TBC1D22A: variants seen among roughly 807,000 people sequenced by gnomAD.
The protein encoded by TBC1D22A is TBC1 domain family member 22A.
In TBC1D22A, 38 loss-of-function variants were observed where a neutral mutation model predicts 60.2. The observed-to-expected ratio is 0.63, with a 90% confidence interval of 0.49 to 0.83. The LOEUF is 0.83. Ranked by LOEUF, TBC1D22A falls within the 40% of genes least tolerant of loss-of-function variation. The probability of loss-of-function intolerance (pLI) is 0.00; values close to 1 mark genes in which losing one functional copy is unlikely to be tolerated. For synonymous variants in TBC1D22A, 302 were observed against 281.7 expected, an observed-to-expected ratio of 1.07 and a Z score of -0.72; for missense variants, 628 against 701.0, an observed-to-expected ratio of 0.90 and a Z score of 1.18.
chr22:46,968,376 AC>A (rs2073907140), intron 8 of TBC1D22A, among the ~76,000 whole-genome samples: 1 of 152,134 alleles, frequency 6.6e-6, no homozygotes, highest in Non-Finnish European at 1.5e-5. Flanking sequence ...CGTGGCATGG[AC>A]CCCACAGGGG....
chr22:46,958,604 A>G (rs908600606), intron 8 of TBC1D22A, among the ~76,000 whole-genome samples: 7 of 152,214 alleles, frequency 4.6e-5, no homozygotes, highest in African/African-American at 1.7e-4. Context: ...ACTTGGCACA[A>G]GGATTAGCTC....
intron 5 of TBC1D22A, among the ~76,000 whole-genome samples, chr22:46,888,707 A>C (rs2068243350): frequency 6.6e-6 from 1 of 152,024 alleles, no homozygotes; most frequent in African/African-American, 2.4e-5. Flanking sequence ...ACAAGGAGAA[A>C]AGCCTTTTCT....
At chr22:46,886,233 T>C (rs983536991) in intron 5 of TBC1D22A, among the ~76,000 whole-genome samples, 8 of 152,324 alleles carry the variant, frequency 5.3e-5, no homozygotes, top group Admixed American at 4.6e-4. Context: ...CAATACGCTC[T>C]TTGGAATACT....
chr22:47,103,874 C>T (rs1182832654), intron 11 of TBC1D22A, among the ~76,000 whole-genome samples: 1 of 152,088 alleles, frequency 6.6e-6, no homozygotes, highest in Non-Finnish European at 1.5e-5. Flanking sequence ...CCGTATATAT[C>T]ATGACTTACT....
intron 8 of TBC1D22A, among the ~76,000 whole-genome samples, chr22:46,945,125 A>G (rs1359282619): frequency 1.3e-5 from 2 of 152,224 alleles, no homozygotes; most frequent in Non-Finnish European, 2.9e-5. Context: ...TGGAATCCTC[A>G]TCTTCTGGTC....
At chr22:46,860,597 C>T (rs1213196538) in intron 4 of TBC1D22A, among the ~76,000 whole-genome samples, 13 of 150,742 alleles carry the variant, frequency 8.6e-5, no homozygotes, top group African/African-American at 3.2e-4. Flanking sequence ...TTCCCGGGAC[C>T]AGAATCCTTT....
At chr22:47,118,790 T>TACACACACACACAC (rs146644664) in intron 12 of TBC1D22A, among the ~76,000 whole-genome samples, 9 of 125,426 alleles carry the variant, frequency 7.2e-5, no homozygotes, top group African/African-American at 2.9e-4. Flanking sequence ...AAGAGGAATT[T>TACACACACACACAC]ACACACACAC....
intron 1 of TBC1D22A, among the ~76,000 whole-genome samples, chr22:46,786,450 G>A (rs2084163704): frequency 6.6e-6 from 1 of 152,148 alleles, no homozygotes; most frequent in African/African-American, 2.4e-5. Context: ...ATTCATAAGA[G>A]ATACTGGTTT....
chr22:47,015,770 G>C (rs964754075), intron 10 of TBC1D22A, among the ~76,000 whole-genome samples: 1 of 152,218 alleles, frequency 6.6e-6, no homozygotes, highest in African/African-American at 2.4e-5. Context: ...AGGAGGAGAA[G>C]GGAGCCTCCA....
At chr22:46,830,892 G>A (rs2086279055) in intron 4 of TBC1D22A, among the ~76,000 whole-genome samples, 1 of 152,092 alleles carries the variant, frequency 6.6e-6, no homozygotes, top group African/African-American at 2.4e-5. Context: ...CAAGCTGTTG[G>A]AGTGGGGATG....
At chr22:47,072,269 G>A (rs1359533231) in intron 11 of TBC1D22A, among the ~76,000 whole-genome samples, 1 of 152,170 alleles carries the variant, frequency 6.6e-6, no homozygotes, top group African/African-American at 2.4e-5. Context: ...GGCAGAATTG[G>A]GACTGAAGCT....
At chr22:46,989,258 G>C (rs923220807) in intron 9 of TBC1D22A, among the ~76,000 whole-genome samples, 1 of 152,076 alleles carries the variant, frequency 6.6e-6, no homozygotes, top group Non-Finnish European at 1.5e-5. Context: ...CAAGAAGCCT[G>C]TTTTGCCTTC....
At chr22:46,959,843 G>A (rs9616179) in intron 8 of TBC1D22A, among the ~76,000 whole-genome samples, 8,767 of 152,238 alleles carry the variant, frequency 0.058, 378 homozygotes, top group Non-Finnish European at 0.09. Context: ...CCTGCCATCG[G>A]CATTTGCTTT....
intron 8 of TBC1D22A, chr22:46,913,871 G>A: frequency 1.7e-6 from 1 of 585,578 alleles, no homozygotes; most frequent in Non-Finnish European, 2.2e-6. Context: ...GGATGAAGGG[G>A]CATGACCACG....
chr22:46,929,716 G>A (rs547369963), intron 8 of TBC1D22A, among the ~76,000 whole-genome samples: 2 of 152,026 alleles, frequency 1.3e-5, no homozygotes, highest in South Asian at 2.1e-4. Context: ...GTGTGTGTGT[G>A]CGTGTGCGTG....
At chr22:46,763,237 A>G (rs1160130803) in intron 1 of TBC1D22A, 2 of 212,062 alleles carry the variant, frequency 9.4e-6, no homozygotes. Context: ...CAGTTTCTGC[A>G]GGGGGTGTGG....
intron 10 of TBC1D22A, among the ~76,000 whole-genome samples, chr22:47,016,836 C>A (rs1234010497): frequency 6.7e-6 from 1 of 149,870 alleles, no homozygotes; most frequent in Non-Finnish European, 1.5e-5. Context: ...ACCGGCCTGC[C>A]TCCTGCAGAG....
chr22:46,847,211 AT>A (rs764955742), intron 4 of TBC1D22A, among the ~76,000 whole-genome samples: 13 of 152,196 alleles, frequency 8.5e-5, no homozygotes, highest in Admixed American at 3.3e-4. Context: ...TTAGTTTGAC[AT>A]TTAGATTCCC....
At chr22:46,923,887 A>G (rs1473525335) in intron 8 of TBC1D22A, among the ~76,000 whole-genome samples, 1 of 152,152 alleles carries the variant, frequency 6.6e-6, no homozygotes, top group East Asian at 1.9e-4. Flanking sequence ...CATGTAGCAT[A>G]ATTTCTGAAA....
Sources: allele counts gnomAD v4.1 joint callset (sites outside exome capture counted in the v4.1 genomes callset), GRCh38; gene constraint gnomAD v4.1.1; transcripts MANE v1.5; gene names NCBI Gene and HGNC (gene_info 2026-07-23, HGNC 2026-07-21).